VEGFC: variants seen among roughly 807,000 people sequenced by gnomAD.
VEGFC encodes the protein FLT4 ligand DHM.
Under a neutral mutation model 46.1 loss-of-function variants are expected in VEGFC, and 12 were observed. The ratio of observed to expected loss-of-function variants is 0.26; its 90% CI spans 0.17 to 0.42. The LOEUF (loss-of-function observed/expected upper bound fraction) is 0.42. Ranked by LOEUF, VEGFC falls within the 10% of genes least tolerant of loss-of-function variation. VEGFC has a pLI of 1.00. For synonymous variants in VEGFC, 232 were observed against 195.5 expected, an observed-to-expected ratio of 1.19 and a Z score of -1.56; for missense variants, 488 against 529.4, an observed-to-expected ratio of 0.92 and a Z score of 0.77.
At chr4:176,699,468 G>C (rs1054849388) in intron 4 of VEGFC, among the ~76,000 whole-genome samples, 2 of 152,218 alleles carry the variant, frequency 1.3e-5, no homozygotes, top group Non-Finnish European at 2.9e-5. Flanking sequence ...GTTCAAACTT[G>C]TAATTGTATT....
At chr4:176,754,677 C>T (rs1168728539) in intron 1 of VEGFC, among the ~76,000 whole-genome samples, 1 of 151,894 alleles carries the variant, frequency 6.6e-6, no homozygotes, top group Non-Finnish European at 1.5e-5. Context: ...TTAATTTAAC[C>T]ACACCTGCAA....
At chr4:176,700,415 A>G (rs991140359) in intron 4 of VEGFC, among the ~76,000 whole-genome samples, 1 of 132,412 alleles carries the variant, frequency 7.6e-6, no homozygotes, top group African/African-American at 3.2e-5. Context: ...AGACTCTCGA[A>G]AAAAAAAAAA....
At chr4:176,761,124 C>A (rs1460829711) in intron 1 of VEGFC, among the ~76,000 whole-genome samples, 4 of 152,086 alleles carry the variant, frequency 2.6e-5, no homozygotes, top group African/African-American at 9.7e-5. Context: ...ATTATAGATC[C>A]TATACAAAAT....
intron 3 of VEGFC, among the ~76,000 whole-genome samples, chr4:176,712,021 G>C (rs1013651138): frequency 6.6e-6 from 1 of 152,104 alleles, no homozygotes; most frequent in African/African-American, 2.4e-5. Flanking sequence ...GATTTAAAAA[G>C]TGTCACACAC....
intron 4 of VEGFC, among the ~76,000 whole-genome samples, chr4:176,707,017 C>A (rs1451809454): frequency 6.6e-6 from 1 of 152,146 alleles, no homozygotes; most frequent in African/African-American, 2.4e-5. Flanking sequence ...AAGCTTATTT[C>A]ACTCAACTTA....
In VEGFC at chr4:176,726,523, T is replaced by C. The variant is rs183444047; in HGVS notation, c.552+1255A>G. Among the ~76,000 whole-genome samples the C allele has an allele frequency of 2.0e-5, 3 of 152,334 alleles. No individual in the cohort carries two copies. In the East Asian group the frequency reaches 5.8e-4, roughly 29 times the overall value. ...CAAGTCTTAATCTAAAATGGCTTGT[T>C]TCTTTATCAAGTGGGTGAGCAATAT... On this transcript the variant is annotated intron_variant, in intron 3 of 6. Transcript: ENST00000618562.
At chr4:176,707,895 T>C (rs1579098343) in intron 4 of VEGFC, among the ~76,000 whole-genome samples, 1 of 152,122 alleles carries the variant, frequency 6.6e-6, no homozygotes, top group East Asian at 1.9e-4. Context: ...CCTGTGGATA[T>C]TGCTTATGCT....
chr4:176,782,550 T>A (rs1735934890), intron 1 of VEGFC, among the ~76,000 whole-genome samples: 1 of 151,278 alleles, frequency 6.6e-6, no homozygotes, highest in African/African-American at 2.4e-5. Context: ...ATGAAGAAAA[T>A]CACATTAAAA....
intron 1 of VEGFC, among the ~76,000 whole-genome samples, chr4:176,756,616 C>T (rs568174486): frequency 5.9e-5 from 9 of 151,978 alleles, no homozygotes; most frequent in Non-Finnish European, 1.0e-4. Context: ...ATGAAAAAAA[C>T]GTACTCCAAT....
chr4:176,755,142 C>T (rs1035807576), intron 1 of VEGFC, among the ~76,000 whole-genome samples: 1 of 151,988 alleles, frequency 6.6e-6, no homozygotes, highest in Non-Finnish European at 1.5e-5. Context: ...ATGCAGATTA[C>T]CATGCATATA....
chr4:176,708,432 C>A (rs1734572358), intron 4 of VEGFC, among the ~76,000 whole-genome samples: 1 of 151,666 alleles, frequency 6.6e-6, no homozygotes, highest in East Asian at 1.9e-4. Flanking sequence ...ATGTATAAAG[C>A]ACAGAGATAC....
intron 1 of VEGFC, among the ~76,000 whole-genome samples, chr4:176,785,107 G>C (rs76455961): frequency 3.3e-5 from 5 of 152,160 alleles, no homozygotes; most frequent in African/African-American, 1.2e-4. Context: ...AGGTTCTGCA[G>C]TTAGCAAAAT....
chr4:176,691,488 A>C (rs1282062647), intron 4 of VEGFC, among the ~76,000 whole-genome samples: 1 of 152,168 alleles, frequency 6.6e-6, no homozygotes, highest in Non-Finnish European at 1.5e-5. Flanking sequence ...ACACAGGCAC[A>C]ACCACAATCC....
intron 6 of VEGFC, among the ~76,000 whole-genome samples, chr4:176,686,389 T>C (rs770345192): frequency 1.3e-5 from 2 of 152,144 alleles, no homozygotes; most frequent in African/African-American, 4.8e-5. Context: ...GTTGCTAAAG[T>C]TTGCTCAACT....
intron 4 of VEGFC, among the ~76,000 whole-genome samples, chr4:176,688,541 CAA>C (rs933643173): frequency 1.3e-5 from 2 of 152,082 alleles, no homozygotes; most frequent in African/African-American, 4.8e-5. Context: ...AAAAAGTTAT[CAA>C]AGATATTTTG....
intron 4 of VEGFC, among the ~76,000 whole-genome samples, chr4:176,692,958 A>G (rs1452754627): frequency 6.7e-6 from 1 of 148,918 alleles, no homozygotes; most frequent in Non-Finnish European, 1.5e-5. Context: ...AAGGACATCC[A>G]CACCGAAAAC....
rs1735306002 is a variant in VEGFC, at chr4:176,749,413, A to G, written c.148-19667T>C. On this transcript the variant is annotated intron_variant, in intron 1 of 6. Coordinates refer to ENST00000618562, the MANE Select transcript of VEGFC (RefSeq NM_005429.5). ...CTCCTTTCATTCCAAGTTATTTAAT[A>G]TTTTTTATTGTTTTAAATGTCAAAT... 3.3e-5 allele frequency among the ~76,000 whole-genome samples: 5 copies of G among 151,894 alleles called. 1 individual carries two copies. The South Asian group carries it at 1.0e-3, about 31-fold the overall frequency.
intron 5 of VEGFC, 139 bp from the exon 6 acceptor site, chr4:176,687,659 A>C: frequency 9.9e-7 from 1 of 1,011,428 alleles, no homozygotes; most frequent in African/African-American, 1.6e-5. Context: ...GTTCCTTTAT[A>C]AAGGAGTTCA....
intron 1 of VEGFC, among the ~76,000 whole-genome samples, chr4:176,747,790 T>C (rs1735281801): frequency 6.6e-6 from 1 of 152,026 alleles, no homozygotes; most frequent in Admixed American, 6.6e-5. Flanking sequence ...AGACCCTGTC[T>C]CAAAAACAAA....
Sources: gnomAD v4.1 joint callset for allele counts (sites outside exome capture counted in the v4.1 genomes callset) on GRCh38, gnomAD v4.1.1 for gene constraint, MANE v1.5 for transcripts, NCBI Gene and HGNC (gene_info 2026-07-23, HGNC 2026-07-21) for gene names.